The following SPECC1 variants were observed in gnomAD, a reference collection of about 807,000 sequenced individuals.
SPECC1 encodes cytospin-B.
In SPECC1, 62 loss-of-function variants were observed where a neutral mutation model predicts 104.1. The ratio of observed to expected loss-of-function variants is 0.60; its 90% CI spans 0.49 to 0.74. The LOEUF (loss-of-function observed/expected upper bound fraction) is 0.74. SPECC1 is among the 30% of genes least tolerant of loss of function. The pLI is 0.00. For missense variants in SPECC1, 1,306 were observed against 1,310.5 expected (o/e 1.00, Z 0.05); for synonymous variants, 513 against 501.6 (o/e 1.02, Z -0.30).
chr17:20,208,094 G>A (rs1332954021), intron 4 of SPECC1, among the ~76,000 whole-genome samples: 2 of 152,188 alleles, frequency 1.3e-5, no homozygotes, highest in African/African-American at 4.8e-5. Flanking sequence ...AAAGGAAAGT[G>A]TGCATTTTCT....
intron 1 of SPECC1, among the ~76,000 whole-genome samples, chr17:20,032,808 C>T (rs1030471428): frequency 2.0e-5 from 3 of 151,954 alleles, no homozygotes; most frequent in African/African-American, 4.8e-5. Context: ...CTACTTCCCC[C>T]GTGATACCCC....
At chr17:20,080,767 C>T (rs1480287736) in intron 1 of SPECC1, among the ~76,000 whole-genome samples, 13 of 152,052 alleles carry the variant, frequency 8.5e-5, no homozygotes, top group Non-Finnish European at 1.8e-4. Flanking sequence ...GGAGGAGCCC[C>T]AGGACAAGAA....
chr17:20,225,029 T>A (rs2038116334), intron 4 of SPECC1, among the ~76,000 whole-genome samples: 1 of 152,202 alleles, frequency 6.6e-6, no homozygotes, highest in Admixed American at 6.5e-5. Context: ...GACTGGGTCC[T>A]TCCTTTCATG....
chr17:20,285,890 G>A (rs1257276510), intron 12 of SPECC1, among the ~76,000 whole-genome samples: 1 of 148,870 alleles, frequency 6.7e-6, no homozygotes, highest in Non-Finnish European at 1.5e-5. Context: ...ATGGCTCACT[G>A]CAGCCCCAGT....
At chr17:20,100,469 G>A (rs1567842820) in intron 2 of SPECC1, among the ~76,000 whole-genome samples, 1 of 152,098 alleles carries the variant, frequency 6.6e-6, no homozygotes, top group African/African-American at 2.4e-5. Context: ...TAGTACAGGG[G>A]ATCCCACAGC....
intron 1 of SPECC1, among the ~76,000 whole-genome samples, chr17:20,087,658 A>G (rs2047227457): frequency 1.3e-5 from 2 of 152,128 alleles, no homozygotes; most frequent in South Asian, 4.1e-4. Context: ...GTATTCATTA[A>G]CTAATATTTG....
At chr17:20,287,374 G>A (rs957095930) in intron 12 of SPECC1, among the ~76,000 whole-genome samples, 23 of 139,830 alleles carry the variant, frequency 1.6e-4, no homozygotes, top group South Asian at 4.5e-4. Flanking sequence ...CCGAGATTGC[G>A]CCACTGCAGT....
chr17:20,052,855 A>G (rs1328798155), intron 1 of SPECC1, among the ~76,000 whole-genome samples: 1 of 152,238 alleles, frequency 6.6e-6, no homozygotes, highest in Non-Finnish European at 1.5e-5. Flanking sequence ...TAACAACAAA[A>G]TGGATTTGAG....
At chr17:20,131,604 G>C (rs2049631955) in intron 3 of SPECC1, among the ~76,000 whole-genome samples, 1 of 145,566 alleles carries the variant, frequency 6.9e-6, no homozygotes, top group African/African-American at 2.5e-5. Flanking sequence ...TCTTTGTCTT[G>C]TTCCTGATCT....
At chr17:20,094,673 C>T (rs1475301706) in intron 1 of SPECC1, among the ~76,000 whole-genome samples, 1 of 30,890 alleles carries the variant, frequency 3.2e-5, no homozygotes, top group Non-Finnish European at 6.6e-5. Flanking sequence ...AATATCCAGT[C>T]CTTTATTTTT....
chr17:20,156,031 C>G (rs534740086), intron 3 of SPECC1: 1 of 1,277,684 alleles, frequency 7.8e-7, no homozygotes, highest in South Asian at 2.4e-5. Context: ...GGGAGAGCAG[C>G]GGCTCCGCCG....
intron 1 of SPECC1, among the ~76,000 whole-genome samples, chr17:20,051,069 TTTCTTTCTTTC>T (rs1330423933): frequency 5.8e-5 from 2 of 34,564 alleles, no homozygotes; most frequent in East Asian, 5.6e-3. Flanking sequence ...TTTCTTTCTT[TTTCTTTCTTTC>T]TTTCTTTCTT....
intron 1 of SPECC1, among the ~76,000 whole-genome samples, chr17:20,015,822 G>C (rs967232727): frequency 1.3e-5 from 2 of 149,462 alleles, no homozygotes; most frequent in African/African-American, 4.9e-5. Context: ...CTGACCTCGT[G>C]ATCCGCCCGC....
At chr17:20,165,361 T>C (rs2033561108) in intron 3 of SPECC1, among the ~76,000 whole-genome samples, 2 of 152,228 alleles carry the variant, frequency 1.3e-5, no homozygotes, top group African/African-American at 4.8e-5. Flanking sequence ...TCCAGCTCCA[T>C]CCGTGTCCCT....
intron 12 of SPECC1, among the ~76,000 whole-genome samples, chr17:20,271,553 C>A (rs1168544073): frequency 6.6e-6 from 1 of 152,044 alleles, no homozygotes; most frequent in Non-Finnish European, 1.5e-5. Flanking sequence ...GTAAATGATA[C>A]TCATTCAACC....
At chr17:20,192,976 G>A (rs1015239478) in intron 3 of SPECC1, among the ~76,000 whole-genome samples, 1 of 152,162 alleles carries the variant, frequency 6.6e-6, no homozygotes, top group African/African-American at 2.4e-5. Flanking sequence ...AGCAAGTTTA[G>A]TAAGAAAGTA....
At chr17:20,289,749 A>G (rs921537893) in intron 12 of SPECC1, among the ~76,000 whole-genome samples, 9 of 152,152 alleles carry the variant, frequency 5.9e-5, no homozygotes, top group Non-Finnish European at 1.2e-4. Flanking sequence ...AGAATTAGAG[A>G]TAATTTTAGA....
At position 20,205,358 on chromosome 17, in the gene SPECC1, A is replaced by C; in HGVS notation, c.1309A>C (p.Ser437Arg). Residue 437 changes from serine to arginine, a missense_variant, in exon 4 of 15, where the codon AGT (serine) becomes CGT (arginine). By Grantham distance (110) the Ser-to-Arg change is moderately radical (BLOSUM62 -1). This residue lies in a region of SPECC1 where 1,177 missense variants were observed against 1,139.9 expected (regional missense o/e 1.03). Coordinates refer to ENST00000395527, the MANE Select transcript of SPECC1 (RefSeq NM_001243439.2). ...HQHRERAEQL[S>R]QENEKLMNLL... ...GCATCGAGAGAGGGCAGAGCAGCTA[A>C]GTCAAGAAAATGAGAAGCTGATGAA... is the stretch of plus-strand genomic sequence containing the variant. 6.2e-7 allele frequency: 1 copy of C among 1,613,814 alleles called. No homozygotes were observed. Among genetic ancestry groups the C allele is most frequent in the African/African-American group, 1.3e-5 (1 of 74,970 alleles).
intron 8 of SPECC1, among the ~76,000 whole-genome samples, chr17:20,246,398 T>A (rs2039423815): frequency 6.6e-6 from 1 of 152,240 alleles, no homozygotes; most frequent in Non-Finnish European, 1.5e-5. Context: ...TTTTGTCATC[T>A]CATGAGAATT....
Sources: gnomAD v4.1 joint callset for allele counts (sites outside exome capture counted in the v4.1 genomes callset) on GRCh38, gnomAD v4.1.1 for gene constraint, gnomAD v4.1.1 regional missense constraint, MANE v1.5 for transcripts, NCBI Gene and HGNC (gene_info 2026-07-23, HGNC 2026-07-21) for gene names.